The following DNAH8 variants were observed in gnomAD, a reference collection of about 807,000 sequenced individuals.
The protein encoded by DNAH8 is axonemal beta dynein heavy chain 8.
In DNAH8, 382 loss-of-function variants were observed where a neutral mutation model predicts 562.1. The ratio of observed to expected loss-of-function variants is 0.68; its 90% CI spans 0.63 to 0.74. The LOEUF (loss-of-function observed/expected upper bound fraction) is 0.74. Ranked by LOEUF, DNAH8 falls within the 30% of genes least tolerant of loss-of-function variation. DNAH8 has a pLI of 0.00. For synonymous variants in DNAH8, 1,881 were observed against 1,919.4 expected (o/e 0.98, Z 0.52); for missense variants, 5,203 against 5,620.4 (o/e 0.93, Z 2.37).
rs1447464256 is a variant in DNAH8, at chr6:38,861,905, G to A, written c.6132-375G>A. ...CATTGGTAGCTTGCCATTGACCACA[G>A]TGGAAGAATTTATACAATAGATATT... On this transcript the variant is annotated intron_variant, in intron 43 of 92. Coordinates refer to ENST00000327475, the MANE Select transcript of DNAH8 (RefSeq NM_001206927.2). 2.7e-5 allele frequency among the ~76,000 whole-genome samples: 4 copies of A among 150,282 alleles called. No individual in the cohort carries two copies. The East Asian group carries it at 6.0e-4, about 22-fold the overall frequency.
rs1367333114 is a variant in DNAH8, at chr6:38,743,077, G to A, written c.1293+1190G>A. The stretch of plus-strand genomic sequence containing the variant: ...CTGTCACCCAGGCTGGAGTGCAAAG[G>A]CATGATCACGGCTCACTGCAGCCTC... On this transcript the variant is annotated intron_variant, in intron 8 of 92. Coordinates refer to ENST00000327475, the MANE Select transcript of DNAH8 (RefSeq NM_001206927.2). Among the ~76,000 whole-genome samples, 3 of 141,026 alleles carry A rather than the reference G, an allele frequency of 2.1e-5. No homozygotes were observed. The East Asian group carries it at 6.7e-4, about 32-fold the overall frequency. 92.5% of individuals were successfully genotyped at this position (141,026 alleles called of 152,430 possible).
At position 38,869,996 on chromosome 6, in the gene DNAH8, C is replaced by A. The variant is rs569809518; in HGVS notation, c.6829-405C>A. On this transcript the variant is annotated intron_variant, in intron 48 of 92. Transcript: ENST00000327475. ...TGGCTGGGGAGGCCTCACAATCATG[C>A]TGGGAGGTGAATGAGGAGCAAAGTC... is the stretch of plus-strand genomic sequence containing the variant. Among the ~76,000 whole-genome samples, 3 of 152,270 alleles carry A rather than the reference C, an allele frequency of 2.0e-5. 1 individual carries two copies. In the East Asian group the frequency reaches 5.8e-4, roughly 29 times the overall value.
At chr6:38,934,383 A>G in intron 76 of DNAH8, among the ~76,000 whole-genome samples, 1 of 151,912 alleles carries the variant, frequency 6.6e-6, no homozygotes, top group East Asian at 1.9e-4. Context: ...AACAAAAAAC[A>G]CGCACAGAAA....
At chr6:38,890,113 G>A (rs1037108680) in intron 57 of DNAH8, among the ~76,000 whole-genome samples, 1 of 152,156 alleles carries the variant, frequency 6.6e-6, no homozygotes, top group Non-Finnish European at 1.5e-5. Context: ...GTCTAGCCCA[G>A]GCCAGAGTGG....
intron 87 of DNAH8, among the ~76,000 whole-genome samples, chr6:38,985,945 G>A (rs752273486): frequency 3.3e-5 from 5 of 152,170 alleles, no homozygotes; most frequent in Non-Finnish European, 7.4e-5. Context: ...AAAGAGGATC[G>A]AGTGGCACAT....
In DNAH8 at chr6:38,779,947, C is replaced by T; in HGVS notation, c.2040-19C>T. 6.2e-7 allele frequency: 1 copy of T among 1,603,754 alleles called. No homozygotes were observed. Among genetic ancestry groups the T allele is most frequent in the South Asian group, 1.1e-5 (1 of 90,808 alleles). On this transcript the variant is annotated intron_variant, in intron 14 of 92. Coordinates refer to ENST00000327475, the MANE Select transcript of DNAH8 (RefSeq NM_001206927.2). ...ATTTCTCATTTACTTTTTAACCATT[C>T]AGCTTTGATTACTTTTAGGTTTCAG...
chr6:38,890,908 A>G (rs1779303694), intron 58 of DNAH8, 147 bp downstream of exon 58: 1 of 603,400 alleles, frequency 1.7e-6, no homozygotes, highest in Non-Finnish European at 3.0e-6. Context: ...GATTTACAAC[A>G]CCTTTTCCTT....
chr6:38,898,328 G>C lies in DNAH8; in HGVS notation c.9011G>C (p.Gly3004Ala). 6.3e-7 allele frequency: 1 copy of C among 1,587,860 alleles called. No individual in the cohort carries two copies. Among genetic ancestry groups the C allele is most frequent in the South Asian group, 1.2e-5 (1 of 84,074 alleles). Residue 3004 changes from glycine (G) to alanine (A), a missense_variant, in exon 61 of 93, where the codon GGA becomes GCA. Around this residue, in one of 6 missense-constraint regions of DNAH8, gnomAD observed 977 missense variants for 1,061.8 expected, o/e 0.92. Coordinates refer to ENST00000327475, the MANE Select transcript of DNAH8 (RefSeq NM_001206927.2). Reference sequence around the variant, plus strand: ...AGACAGTTCAATGAAATCATTAGAGGAACATCTCTTGATCTGGTGTTTTTT... The same window carrying C: ...AGACAGTTCAATGAAATCATTAGAGCAACATCTCTTGATCTGGTGTTTTTT... ...YQRQFNEIIR[G>A]TSLDLVFFKD...
At chr6:38,766,699 A>G (rs1210581344) in intron 11 of DNAH8, among the ~76,000 whole-genome samples, 1 of 151,996 alleles carries the variant, frequency 6.6e-6, no homozygotes, top group Non-Finnish European at 1.5e-5. Flanking sequence ...CCAAAAAGTA[A>G]TTCACACCCC....
intron 82 of DNAH8, among the ~76,000 whole-genome samples, chr6:38,961,097 A>C (rs9470955): frequency 6.6e-6 from 1 of 152,026 alleles, no homozygotes; most frequent in African/African-American, 2.4e-5. Context: ...AATGACAAAT[A>C]CCACATGATC....
intron 82 of DNAH8, among the ~76,000 whole-genome samples, chr6:38,963,701 T>TTTTA (rs1561920818): frequency 1.3e-5 from 1 of 75,878 alleles, no homozygotes; most frequent in Admixed American, 1.4e-4. Flanking sequence ...TTTTTTTTTT[T>TTTTA]AAATTTATTT....
At chr6:38,884,068 A>G (rs528198419) in intron 56 of DNAH8, 70 bp downstream of exon 56, 1 of 1,015,114 alleles carries the variant, frequency 9.9e-7, no homozygotes, top group East Asian at 4.1e-5. Context: ...ATATATATGT[A>G]AATGTTAATA....
chr6:38,895,884 A>G (rs959526121), intron 59 of DNAH8, 149 bp from the exon 60 acceptor site: 1 of 630,150 alleles, frequency 1.6e-6, no homozygotes, highest in Non-Finnish European at 2.7e-6. Flanking sequence ...GGATGGGGTT[A>G]TGCCCTTCTT....
At chr6:39,014,415 T>TA (rs1262983561) in intron 91 of DNAH8, among the ~76,000 whole-genome samples, 2 of 152,196 alleles carry the variant, frequency 1.3e-5, no homozygotes, top group African/African-American at 4.8e-5. Context: ...GCATTTAACT[T>TA]AATAAGGATT....
intron 89 of DNAH8, among the ~76,000 whole-genome samples, chr6:39,011,983 G>A (rs935371105): frequency 6.6e-6 from 1 of 152,194 alleles, no homozygotes; most frequent in African/African-American, 2.4e-5. Context: ...CCAATTATTA[G>A]CTAAGTACAA....
chr6:38,919,071 A>G (rs1375797925), intron 70 of DNAH8, among the ~76,000 whole-genome samples: 1 of 152,200 alleles, frequency 6.6e-6, no homozygotes. Flanking sequence ...GAGAAATCTT[A>G]CAATAAATGT....
intron 58 of DNAH8, among the ~76,000 whole-genome samples, chr6:38,891,738 T>C (rs1384885611): frequency 6.6e-6 from 1 of 152,250 alleles, no homozygotes; most frequent in Non-Finnish European, 1.5e-5. Flanking sequence ...TGGTTTCCAA[T>C]AGGATTATTG....
chr6:38,872,637 A>ACG lies in DNAH8; in HGVS notation c.7092_7093insCG (p.Cys2365ArgfsTer11). 6.2e-7 allele frequency: 1 copy of ACG among 1,614,160 alleles called. No individual in the cohort carries two copies. Among genetic ancestry groups the ACG allele is most frequent in the Non-Finnish European group, 8.5e-7 (1 of 1,179,992 alleles). ...CGATTCTAATGAAGGCGCAAACAGA[A>ACG]TGCGGAAGGCCTCATAGAGAAATGC... On this transcript the variant is annotated frameshift_variant, in exon 50 of 93. Coordinates refer to ENST00000327475, the MANE Select transcript of DNAH8 (RefSeq NM_001206927.2). LOFTEE classifies it high-confidence loss of function.
At position 38,750,428 on chromosome 6, in the gene DNAH8, C is replaced by G; in HGVS notation, c.1294-48C>G. ...AATTTCCCGAGTAAACTTTAGCACA[C>G]TGATATATTTGGATGTTTCATAGAA... On this transcript the variant is annotated intron_variant, in intron 8 of 92. Transcript: ENST00000327475. The G allele has an allele frequency of 2.4e-6, 3 of 1,271,468 alleles. No homozygotes were observed. The South Asian group carries it at 4.1e-5, about 17-fold the overall frequency. 78.8% of individuals were successfully genotyped at this position (1,271,468 alleles called of 1,614,324 possible).
Sources: allele counts gnomAD v4.1 joint callset (sites outside exome capture counted in the v4.1 genomes callset), GRCh38; gene constraint gnomAD v4.1.1; regional missense constraint gnomAD v4.1.1; transcripts MANE v1.5; gene names NCBI Gene and HGNC (gene_info 2026-07-23, HGNC 2026-07-21).